The following MTAP variants were observed in gnomAD, a reference collection of about 807,000 sequenced individuals.
MTAP encodes the protein methylthioadenosine phosphorylase.
Under a neutral mutation model 33.6 loss-of-function variants are expected in MTAP, and 33 were observed. The ratio of observed to expected loss-of-function variants is 0.98; its 90% CI spans 0.74 to 1.31. The LOEUF (loss-of-function observed/expected upper bound fraction) is 1.31, where lower values mean the gene tolerates loss of function less well. Ranked by LOEUF, MTAP falls within the 40% of genes most tolerant of loss-of-function variation. MTAP has a pLI of 0.00. For synonymous variants in MTAP, 148 were observed against 125.7 expected, an observed-to-expected ratio of 1.18 and a Z score of -1.19; for missense variants, 367 against 360.0, an observed-to-expected ratio of 1.02 and a Z score of -0.16.
At chr9:21,885,776 C>T in intron 1 of MTAP, among the ~76,000 whole-genome samples, 1 of 120,048 alleles carries the variant, frequency 8.3e-6, no homozygotes, top group African/African-American at 3.3e-5. Context: ...GGTAGTATTA[C>T]ATGGTGTGTG....
Position 21,815,288 on chromosome 9 carries a change from T to G in MTAP, c.34-145T>G, listed in dbSNP as rs2282247. 1.1e-3 allele frequency: 625 copies of G among 558,912 alleles called. 1 individual carries two copies. In the East Asian group the frequency reaches 0.019, roughly 17 times the overall value. The allele number at this position is 558,912 out of a possible 1,614,324, so 34.6% of individuals were successfully genotyped here. ...AGGCTTTGAAATATTTGTTGATTGA[T>G]GTTCAGTAATTTTCAGATTTCAAAA... On this transcript the variant is annotated intron_variant, in intron 1 of 7. Coordinates refer to ENST00000644715, the MANE Select transcript of MTAP (RefSeq NM_002451.4).
downstream of MTAP, chr9:21,935,814 T>G (rs1040848622): frequency 6.6e-6 from 1 of 152,092 alleles, no homozygotes; most frequent in African/African-American, 2.4e-5. Flanking sequence ...TGCAGTGAAG[T>G]CTCAAGGCCA....
At chr9:21,909,407 A>C (rs950602746) in intron 1 of MTAP, among the ~76,000 whole-genome samples, 1 of 152,156 alleles carries the variant, frequency 6.6e-6, no homozygotes, top group African/African-American at 2.4e-5. Context: ...GTCCATATAG[A>C]ATTAAATCTG....
chr9:21,888,003 A>G (rs1329736738), intron 1 of MTAP, among the ~76,000 whole-genome samples: 1 of 152,142 alleles, frequency 6.6e-6, no homozygotes, highest in East Asian at 1.9e-4. Flanking sequence ...TTACTGGATT[A>G]ATTTGTCAGA....
chr9:21,834,274 G>C (rs780452930), intron 4 of MTAP, among the ~76,000 whole-genome samples: 1 of 152,218 alleles, frequency 6.6e-6, no homozygotes, highest in Non-Finnish European at 1.5e-5. Context: ...AGAGAGACGA[G>C]AGTGACTTTC....
Position 21,818,036 on chromosome 9 carries a change from C to T in MTAP, c.181C>T (p.His61Tyr). The T allele has an allele frequency of 6.2e-7, 1 of 1,609,036 alleles. No individual in the cohort carries two copies. The highest frequency in any genetic ancestry group is 8.5e-7 in the Non-Finnish European group (1 of 1,178,046). ...KNVDCVLLAR[H>Y]GRQHTIMPSK... ...ACAATTTCTTCTCTCCTTCCATAGG[C>T]ATGGAAGGCAGCACACCATCATGCC... Residue 61 changes from histidine to tyrosine, a missense_variant and splice_region_variant, in exon 4 of 8, where the codon CAT becomes TAT. His to Tyr is a moderately conservative substitution (Grantham distance 83). Transcript: ENST00000644715.
downstream of MTAP, among the ~76,000 whole-genome samples, chr9:21,871,401 T>G (rs1024741925): frequency 4.6e-5 from 7 of 152,144 alleles, no homozygotes; most frequent in Non-Finnish European, 8.8e-5. Flanking sequence ...CACCATCATC[T>G]CTTTTTATCT....
At chr9:21,933,298 T>C (rs765529280), downstream of MTAP, 4 of 152,244 alleles carry the variant, frequency 2.6e-5, no homozygotes, top group African/African-American at 7.2e-5. Context: ...TGAGACTCTT[T>C]GTAAGAGAAA....
downstream of MTAP, among the ~76,000 whole-genome samples, chr9:21,870,504 C>G (rs1368972214): frequency 6.6e-6 from 1 of 152,202 alleles, no homozygotes; most frequent in Non-Finnish European, 1.5e-5. Context: ...ACTCCAGCCT[C>G]TTTCTCACCT....
At chr9:21,937,053 G>A (rs529815272) in exon 8 of MTAP, 1 of 152,122 alleles carries the variant, frequency 6.6e-6, no homozygotes, top group Non-Finnish European at 1.5e-5. Flanking sequence ...GTATTATAAG[G>A]TTTTAAAAAT....
intron 4 of MTAP, among the ~76,000 whole-genome samples, chr9:21,827,941 A>G (rs1473333720): frequency 6.6e-6 from 1 of 152,236 alleles, no homozygotes; most frequent in Non-Finnish European, 1.5e-5. Context: ...ATGATACTGT[A>G]AAGTCTGAAT....
chr9:21,916,341 G>A (rs1448715740), intron 1 of MTAP, among the ~76,000 whole-genome samples: 1 of 152,106 alleles, frequency 6.6e-6, no homozygotes, highest in Non-Finnish European at 1.5e-5. Flanking sequence ...TGGGCATGGT[G>A]GCTCACGTCT....
At chr9:21,833,323 C>A (rs1049539727) in intron 4 of MTAP, among the ~76,000 whole-genome samples, 1 of 152,124 alleles carries the variant, frequency 6.6e-6, no homozygotes, top group Non-Finnish European at 1.5e-5. Context: ...GCTGGGACTA[C>A]AAGGGTGTGA....
chr9:21,863,396 A>T lies in MTAP; in HGVS notation c.*1382A>T, dbSNP rs1356652058. The T allele has an allele frequency of 3.8e-6, 3 of 796,182 alleles. No individual in the cohort carries two copies. The highest frequency in any genetic ancestry group is 4.6e-6 in the Non-Finnish European group (3 of 657,634). The allele number at this position is 796,182 out of a possible 1,614,324, so 49.3% of individuals were successfully genotyped here. On this transcript the variant is annotated 3_prime_UTR_variant, in exon 8 of 8. Coordinates refer to ENST00000644715, the MANE Select transcript of MTAP (RefSeq NM_002451.4). ...GCCGAGACGGGTGGATCACAAGGTC[A>T]GGAGATCGAGACCATCCTGGCTAAT... is the stretch of plus-strand genomic sequence containing the variant.
At chr9:21,880,802 G>T (rs1817994490) in intron 1 of MTAP, among the ~76,000 whole-genome samples, 1 of 151,998 alleles carries the variant, frequency 6.6e-6, no homozygotes, top group African/African-American at 2.4e-5. Flanking sequence ...TACACTGGAA[G>T]ACTTAATATT....
downstream of MTAP, among the ~76,000 whole-genome samples, chr9:21,938,265 G>C (rs1042238361): frequency 1.4e-5 from 2 of 144,576 alleles, no homozygotes; most frequent in East Asian, 2.0e-4. Flanking sequence ...CAGAGCGAGA[G>C]TCCTTCTCAA....
At chr9:21,932,131 C>G (rs1818970536), downstream of MTAP, 1 of 152,160 alleles carries the variant, frequency 6.6e-6, no homozygotes, top group African/African-American at 2.4e-5. Context: ...TCAATTGAAA[C>G]CACCTTTGCA....
chr9:21,838,914 T>G (rs1825175785), intron 5 of MTAP, among the ~76,000 whole-genome samples: 1 of 152,248 alleles, frequency 6.6e-6, no homozygotes, highest in South Asian at 2.1e-4. Flanking sequence ...CGTTAGTTAT[T>G]CAGATAATGT....
At chr9:21,861,914 T>A (rs1008839390) in intron 7 of MTAP, 62 bp from the exon 8 acceptor site, 5 of 970,550 alleles carry the variant, frequency 5.2e-6, no homozygotes, top group South Asian at 2.7e-5. Flanking sequence ...TTTTTTTTTT[T>A]AACAAACATC....
Sources: allele counts gnomAD v4.1 joint callset (sites outside exome capture counted in the v4.1 genomes callset), GRCh38; gene constraint gnomAD v4.1.1; transcripts MANE v1.5; gene names NCBI Gene and HGNC (gene_info 2026-07-23, HGNC 2026-07-21).